Variants in AASS observed in about 807,000 individuals in gnomAD.
AASS encodes the protein aminoadipate-semialdehyde synthase.
A neutral mutation model predicts 105.4 loss-of-function variants in AASS; 86 were observed. That is an observed-to-expected ratio of 0.82 (90% CI 0.69 to 0.98). AASS has a LOEUF of 0.98. Ranked by LOEUF, AASS falls within the 50% of genes least tolerant of loss-of-function variation. The probability of loss-of-function intolerance (pLI) is 0.00; values close to 1 mark genes in which losing one functional copy is unlikely to be tolerated. For missense variants in AASS, 1,048 were observed against 1,143.2 expected, an observed-to-expected ratio of 0.92 and a Z score of 1.20; for synonymous variants, 381 against 394.8, an observed-to-expected ratio of 0.96 and a Z score of 0.41.
At chr7:122,112,174 G>T (rs1794972409) in intron 11 of AASS, among the ~76,000 whole-genome samples, 1 of 152,168 alleles carries the variant, frequency 6.6e-6, no homozygotes, top group Non-Finnish European at 1.5e-5. Context: ...TGGATTTAAT[G>T]ATGGTAAAAT....
Position 122,118,593 on chromosome 7 carries a change from G to T in AASS, c.510C>A (p.Leu170=). Residue 170 remains leucine, a synonymous_variant, in exon 5 of 24, where the codon CTC becomes CTA. Coordinates refer to ENST00000417368, the MANE Select transcript of AASS (RefSeq NM_005763.4). ...AAGGTGTGTGATGTCCCAAAGCAAG[G>T]AGCCTTAAACCCATTCCATGTAAAA... ...INILHGMGLR[L]LALGHHTPFM... 2 of 1,613,984 alleles carry T rather than the reference G, an allele frequency of 1.2e-6. No homozygotes were observed. Among genetic ancestry groups the T allele is most frequent in the Non-Finnish European group, 1.7e-6 (2 of 1,179,968 alleles).
intron 1 of AASS, among the ~76,000 whole-genome samples, chr7:122,139,278 A>C (rs1796281920): frequency 6.6e-6 from 1 of 152,198 alleles, no homozygotes; most frequent in Non-Finnish European, 1.5e-5. Context: ...TAAGATATGC[A>C]CGGCATGATG....
chr7:122,084,075 A>G (rs1211600845), intron 19 of AASS, among the ~76,000 whole-genome samples: 5 of 152,124 alleles, frequency 3.3e-5, no homozygotes, highest in Non-Finnish European at 4.4e-5. Context: ...ACTGAAAGCT[A>G]TATATCCTAA....
intron 6 of AASS, among the ~76,000 whole-genome samples, chr7:122,117,656 A>AT (rs1250931846): frequency 1.3e-5 from 2 of 150,344 alleles, no homozygotes; most frequent in African/African-American, 4.9e-5. Flanking sequence ...TTATTTATTT[A>AT]TTTATTTATT....
At chr7:122,111,076 A>G (rs1438141480) in intron 11 of AASS, among the ~76,000 whole-genome samples, 1 of 152,198 alleles carries the variant, frequency 6.6e-6, no homozygotes, top group Non-Finnish European at 1.5e-5. Context: ...TATGAAAACC[A>G]GAAGACTATG....
chr7:122,137,698 T>C (rs1796214660), intron 1 of AASS, among the ~76,000 whole-genome samples: 1 of 152,230 alleles, frequency 6.6e-6, no homozygotes, highest in Non-Finnish European at 1.5e-5. Flanking sequence ...AGTGAGAATT[T>C]CTGAATTGCA....
chr7:122,118,739 C>A, intron 4 of AASS, 109 bp from the exon 5 acceptor site: 2 of 1,115,190 alleles, frequency 1.8e-6, no homozygotes, highest in Non-Finnish European at 1.3e-6. Context: ...ACAGATCATG[C>A]ATCTCAGATT....
At chr7:122,126,621 C>T (rs775333402) in intron 3 of AASS, among the ~76,000 whole-genome samples, 162 bp from the exon 4 acceptor site, 5 of 152,172 alleles carry the variant, frequency 3.3e-5, no homozygotes, top group African/African-American at 9.6e-5. Flanking sequence ...ATTTAGAAAA[C>T]GCCAGGTAGC....
chr7:122,141,979 A>T (rs1796421122), intron 1 of AASS, among the ~76,000 whole-genome samples: 1 of 152,230 alleles, frequency 6.6e-6, no homozygotes, highest in African/African-American at 2.4e-5. Flanking sequence ...TACACCAAAC[A>T]GGGAAACAAA....
At chr7:122,083,159 T>C (rs190762431) in intron 19 of AASS, among the ~76,000 whole-genome samples, 2 of 152,276 alleles carry the variant, frequency 1.3e-5, no homozygotes, top group Non-Finnish European at 2.9e-5. Context: ...TCTGGCCAAC[T>C]AGCAATTTTC....
Position 122,077,844 on chromosome 7 carries a change from G to A in AASS, c.2656C>T (p.Leu886Phe). The change falls in exon 23 of 24, where the codon CTT becomes TTT. Residue 886 changes from leucine to phenylalanine, a missense_variant. Coordinates refer to ENST00000417368, the MANE Select transcript of AASS (RefSeq NM_005763.4). The stretch of plus-strand genomic sequence containing the variant: ...CTCAAATGAACAGACTTACCATCAA[G>A]CAACATTTTGGCTGCCATGGCGGTG... ...LPTAMAAKMLLDGEIGAKGLM... is the reference protein window; with the variant it reads ...LPTAMAAKMLFDGEIGAKGLM... 1.9e-6 allele frequency: 3 copies of A among 1,614,194 alleles called. No homozygotes were observed. The highest frequency in any genetic ancestry group is 2.5e-6 in the Non-Finnish European group (3 of 1,180,028).
chr7:122,113,214 C>T lies in AASS; in HGVS notation c.1182G>A (p.Gly394=). Residue 394 remains glycine, a synonymous_variant, in exon 11 of 24, where the codon GGG becomes GGA. Transcript: ENST00000417368. Reference sequence around the variant, plus strand: ...AATTGTCAATGGAACACATCAGGATCCCCGAGCCTTCAACACTAAAAGCAG... The same window carrying T: ...AATTGTCAATGGAACACATCAGGATTCCCGAGCCTTCAACACTAAAAGCAG... ...HIIHDSVEGS[G]ILMCSIDNLP... is the part of the protein sequence containing the mutation. 1 of 1,613,980 alleles carries T rather than the reference C, an allele frequency of 6.2e-7. No homozygotes were observed. The highest frequency in any genetic ancestry group is 8.5e-7 in the Non-Finnish European group (1 of 1,179,894).
rs1794439545 is a variant in AASS at position 122,101,680 on chromosome 7, T to C, written c.1279A>G (p.Ile427Val). The change falls in exon 12 of 24, where the codon ATA becomes GTA. Residue 427 changes from isoleucine to valine, a missense_variant and splice_region_variant. By Grantham distance (29) the Ile-to-Val change is conservative. Transcript: ENST00000417368. ...DMLYPYVEEMILSDATQPLES... is the reference protein window; with the variant it reads ...DMLYPYVEEMVLSDATQPLES... ...AGAGGCTGTGTCGCGTCTGATAATA[T>C]CTGAAAGGAAAATGAGATTTGTAAG... 6.2e-7 allele frequency: 1 copy of C among 1,610,274 alleles called. No homozygotes were observed. Among genetic ancestry groups the C allele is most frequent in the Non-Finnish European group, 8.5e-7 (1 of 1,177,290 alleles).
chr7:122,078,959 C>T lies in AASS; in HGVS notation c.2397-9G>A. The T allele has an allele frequency of 1.2e-6, 2 of 1,614,100 alleles. No homozygotes were observed. Among genetic ancestry groups the T allele is most frequent in the Non-Finnish European group, 1.7e-6 (2 of 1,179,972 alleles). On this transcript the variant is annotated splice_polypyrimidine_tract_variant and intron_variant, in intron 21 of 23. Coordinates refer to ENST00000417368, the MANE Select transcript of AASS (RefSeq NM_005763.4). ...CCCCAAGTAAGCCCAACCTGAAAAG[C>T]ACAGGAGATGGCTGCATTAGTTCAA... is the stretch of plus-strand genomic sequence containing the variant.
intron 13 of AASS, among the ~76,000 whole-genome samples, chr7:122,100,356 G>A (rs1387393599): frequency 6.6e-6 from 1 of 151,818 alleles, no homozygotes; most frequent in East Asian, 1.9e-4. Flanking sequence ...CAGATGTGAA[G>A]TTTTACTTGT....
chr7:122,077,059 A>G, intron 23 of AASS, among the ~76,000 whole-genome samples: 1 of 152,212 alleles, frequency 6.6e-6, no homozygotes, highest in South Asian at 2.1e-4. Context: ...CACTCTCACT[A>G]GAGGCCACAA....
At chr7:122,127,025 C>T (rs532767069) in intron 3 of AASS, among the ~76,000 whole-genome samples, 1 of 152,250 alleles carries the variant, frequency 6.6e-6, no homozygotes, top group African/African-American at 2.4e-5. Flanking sequence ...TCTCTCAAGT[C>T]CAAGCACAGA....
At chr7:122,140,600 C>G (rs1796349910) in intron 1 of AASS, among the ~76,000 whole-genome samples, 1 of 150,880 alleles carries the variant, frequency 6.6e-6, no homozygotes, top group Non-Finnish European at 1.5e-5. Flanking sequence ...AAATTAAGGC[C>G]AAATGTTCCA....
In AASS at chr7:122,122,149, A is replaced by AT. The variant is rs539660891; in HGVS notation, c.473-3520dup. 4.0e-3 allele frequency among the ~76,000 whole-genome samples: 602 copies of AT among 152,024 alleles called. 1 individual carries two copies. The highest frequency in any genetic ancestry group is 0.01 in the Admixed American group (153 of 15,276). On this transcript the variant is annotated intron_variant, in intron 4 of 23. Coordinates refer to ENST00000417368, the MANE Select transcript of AASS (RefSeq NM_005763.4). Reference sequence around the variant, plus strand: ...TGGTTCTACTGTCATTTTCTTTGTGATTTTTTATTTCTATTTTTGGCTTGG... The same window carrying AT: ...TGGTTCTACTGTCATTTTCTTTGTGATTTTTTTATTTCTATTTTTGGCTTGG...
Sources: allele counts gnomAD v4.1 joint callset (sites outside exome capture counted in the v4.1 genomes callset), GRCh38; gene constraint gnomAD v4.1.1; transcripts MANE v1.5; gene names NCBI Gene and HGNC (gene_info 2026-07-23, HGNC 2026-07-21).